The following PKN2 variants were observed in gnomAD, a reference collection of about 807,000 sequenced individuals.
The protein encoded by PKN2 is protein kinase N2, also known as serine/threonine-protein kinase N2.
In PKN2, 38 loss-of-function variants were observed where a neutral mutation model predicts 119.1. That is an observed-to-expected ratio of 0.32 (90% CI 0.25 to 0.42). The LOEUF is 0.42. PKN2 is among the 10% of genes least tolerant of loss of function. PKN2 has a pLI of 1.00. For missense variants in PKN2, 850 were observed against 1,165.1 expected (o/e 0.73, Z 3.94); for synonymous variants, 390 against 384.9 (o/e 1.01, Z -0.15).
chr1:88,698,888 T>G (rs1666648377), intron 1 of PKN2, among the ~76,000 whole-genome samples: 3 of 152,206 alleles, frequency 2.0e-5, no homozygotes, highest in Admixed American at 2.0e-4. Context: ...TTATTTTTAG[T>G]TTTTTTCTGG....
At chr1:88,709,250 T>C (rs1434426834) in intron 1 of PKN2, among the ~76,000 whole-genome samples, 1 of 152,100 alleles carries the variant, frequency 6.6e-6, no homozygotes, top group African/African-American at 2.4e-5. Flanking sequence ...AGATGGGGTT[T>C]CACCATGTTG....
intron 1 of PKN2, among the ~76,000 whole-genome samples, chr1:88,705,217 A>C (rs1553146611): frequency 6.6e-6 from 1 of 150,884 alleles, no homozygotes; most frequent in Non-Finnish European, 1.5e-5. Context: ...TCTTTTGCAC[A>C]CTGTGTTTTT....
intron 1 of PKN2, among the ~76,000 whole-genome samples, chr1:88,731,473 A>C (rs1276428949): frequency 1.3e-5 from 2 of 152,226 alleles, no homozygotes; most frequent in African/African-American, 4.8e-5. Context: ...GATGGTATGG[A>C]GTAAATAAAA....
intron 2 of PKN2, among the ~76,000 whole-genome samples, chr1:88,754,747 A>G (rs1669135240): frequency 6.6e-6 from 1 of 152,170 alleles, no homozygotes; most frequent in African/African-American, 2.4e-5. Flanking sequence ...AAAGCACAAC[A>G]ATTTATATTG....
chr1:88,762,037 G>A (rs1455921587), intron 3 of PKN2, among the ~76,000 whole-genome samples: 1 of 152,062 alleles, frequency 6.6e-6, no homozygotes, highest in African/African-American at 2.4e-5. Context: ...AATCTGGGGT[G>A]GATGGATTAG....
At chr1:88,824,902 C>T (rs554065433) in intron 18 of PKN2, among the ~76,000 whole-genome samples, 2 of 152,278 alleles carry the variant, frequency 1.3e-5, no homozygotes, top group East Asian at 1.9e-4. Context: ...AGGTTTGAAT[C>T]GTGGCTTTGC....
At chr1:88,704,886 T>A (rs1048767832) in intron 1 of PKN2, among the ~76,000 whole-genome samples, 6 of 151,972 alleles carry the variant, frequency 3.9e-5, no homozygotes, top group Non-Finnish European at 7.4e-5. Flanking sequence ...TATAGCGACA[T>A]CATACTGGTT....
intron 8 of PKN2, among the ~76,000 whole-genome samples, chr1:88,797,589 C>T (rs868189788): frequency 2.7e-5 from 4 of 148,270 alleles, no homozygotes; most frequent in African/African-American, 7.5e-5. Context: ...TTGCAGTGAG[C>T]GGAGATTGCG....
chr1:88,756,019 T>A (rs2100772863), intron 2 of PKN2, among the ~76,000 whole-genome samples: 1 of 151,930 alleles, frequency 6.6e-6, no homozygotes, highest in Non-Finnish European at 1.5e-5. Flanking sequence ...TTCAAGCAAT[T>A]CTCCTGCTCA....
chr1:88,796,894 A>G (rs1671091191), intron 8 of PKN2, among the ~76,000 whole-genome samples: 1 of 152,180 alleles, frequency 6.6e-6, no homozygotes, highest in African/African-American at 2.4e-5. Context: ...ATGAATGAAA[A>G]TAATTAAAAC....
rs1475345540 is a variant in PKN2 at position 88,834,995 on chromosome 1, T to TA, written c.*1552dup. On this transcript the variant is annotated 3_prime_UTR_variant, in exon 22 of 22. Transcript: ENST00000370521. ...ATTTAATTACAGTGAGCTCATCTCT[T>TA]AAAAATTGTTCAGGTGTAAATCTTA... is the stretch of plus-strand genomic sequence containing the variant. 4 of 152,506 alleles carry TA rather than the reference T, an allele frequency of 2.6e-5. No homozygotes were observed. Among genetic ancestry groups the TA allele is most frequent in the Admixed American group, 6.6e-5 (1 of 15,250 alleles). 9.4% of individuals were successfully genotyped at this position (152,506 alleles called of 1,614,324 possible).
chr1:88,757,868 C>T (rs1669268637), intron 2 of PKN2, among the ~76,000 whole-genome samples: 1 of 151,472 alleles, frequency 6.6e-6, no homozygotes, highest in South Asian at 2.1e-4. Context: ...TGGTGAAACC[C>T]CGTCTCTACT....
intron 18 of PKN2, among the ~76,000 whole-genome samples, chr1:88,828,015 G>A (rs1287118763): frequency 6.6e-6 from 1 of 152,046 alleles, no homozygotes; most frequent in African/African-American, 2.4e-5. Flanking sequence ...ATGAGCCACT[G>A]CACACGGCCC....
intron 8 of PKN2, among the ~76,000 whole-genome samples, chr1:88,802,242 A>T (rs1368424080): frequency 2.0e-5 from 3 of 151,910 alleles, no homozygotes; most frequent in Non-Finnish European, 4.4e-5. Context: ...TTTAATGTAG[A>T]GTATAGAATT....
chr1:88,751,521 A>G (rs1668997530), intron 2 of PKN2, among the ~76,000 whole-genome samples: 1 of 152,054 alleles, frequency 6.6e-6, no homozygotes. Context: ...CCTCTGTCCA[A>G]AATAACTTGT....
chr1:88,736,290 A>G (rs305220), intron 1 of PKN2, among the ~76,000 whole-genome samples: 1 of 152,056 alleles, frequency 6.6e-6, no homozygotes, highest in African/African-American at 2.4e-5. Flanking sequence ...ACACATCTCC[A>G]TCACTTTAGG....
chr1:88,764,502 A>G (rs1027785154), intron 3 of PKN2, among the ~76,000 whole-genome samples: 10 of 152,222 alleles, frequency 6.6e-5, no homozygotes, highest in South Asian at 4.1e-4. Flanking sequence ...TTATCACCCT[A>G]TCTTCAATAC....
rs369171613 is a variant in PKN2, at chr1:88,740,998, G to A, written c.59G>A (p.Arg20Gln). ...TTATTTTTTCTGTAGGGGGATTCCC[G>A]AAGTCTTCCGTTTTCTGAGAATGTG... ...ILLTELQGDS[R>Q]SLPFSENVSA... is the part of the protein sequence containing the mutation. Residue 20 changes from arginine (R) to glutamine (Q), a missense_variant, in exon 2 of 22, where the codon CGA becomes CAA. Physicochemically the swap from Arg to Gln is conservative, Grantham distance 43. Around this residue, in one of 9 missense-constraint regions of PKN2, gnomAD observed 73 missense variants for 61.2 expected, o/e 1.19. Coordinates refer to ENST00000370521, the MANE Select transcript of PKN2 (RefSeq NM_006256.4). 28 of 1,563,060 alleles carry A rather than the reference G, an allele frequency of 1.8e-5. No homozygotes were observed. Among genetic ancestry groups the A allele is most frequent in the East Asian group, 6.8e-5 (3 of 44,236 alleles).
At chr1:88,727,836 G>A (rs1035962808) in intron 1 of PKN2, among the ~76,000 whole-genome samples, 17 of 152,068 alleles carry the variant, frequency 1.1e-4, no homozygotes, top group South Asian at 2.1e-4. Flanking sequence ...AATACTAACC[G>A]GACCACCTAC....
Sources: allele counts gnomAD v4.1 joint callset (sites outside exome capture counted in the v4.1 genomes callset), GRCh38; gene constraint gnomAD v4.1.1; regional missense constraint gnomAD v4.1.1; transcripts MANE v1.5; gene names NCBI Gene and HGNC (gene_info 2026-07-23, HGNC 2026-07-21).